Variants in GRID2 observed in about 807,000 individuals in gnomAD.
GRID2 encodes the protein glutamate ionotropic receptor delta type subunit 2, also known as glutamate receptor ionotropic, delta-2.
In GRID2, 33 loss-of-function variants were observed where a neutral mutation model predicts 114.8. The observed-to-expected ratio is 0.29, with a 90% confidence interval of 0.22 to 0.38. GRID2 has a LOEUF of 0.38. Among genes scored for constraint, GRID2 ranks in the 10% least tolerant of loss-of-function variants. The probability of loss-of-function intolerance (pLI) is 1.00; values close to 1 mark genes in which losing one functional copy is unlikely to be tolerated. For synonymous variants in GRID2, 505 were observed against 449.9 expected, an observed-to-expected ratio of 1.12 and a Z score of -1.55; for missense variants, 1,184 against 1,257.7, an observed-to-expected ratio of 0.94 and a Z score of 0.89.
At chr4:92,671,442 T>G (rs193007244) in intron 2 of GRID2, among the ~76,000 whole-genome samples, 1 of 152,244 alleles carries the variant, frequency 6.6e-6, no homozygotes, top group Admixed American at 6.5e-5. Flanking sequence ...GTATCAAACA[T>G]CATATTATAT....
At chr4:92,482,035 A>ATATAT (rs1560660653) in intron 1 of GRID2, among the ~76,000 whole-genome samples, 3 of 57,178 alleles carry the variant, frequency 5.2e-5, no homozygotes, top group African/African-American at 1.9e-4. Flanking sequence ...TATATATATA[A>ATATAT]AATAACAATA....
chr4:93,359,246 T>A (rs1453324709), intron 8 of GRID2, among the ~76,000 whole-genome samples: 1 of 152,062 alleles, frequency 6.6e-6, no homozygotes, highest in Non-Finnish European at 1.5e-5. Flanking sequence ...ATGTGTCTTT[T>A]GAAACTTGTT....
At chr4:92,456,517 A>G (rs1444529113) in intron 1 of GRID2, among the ~76,000 whole-genome samples, 1 of 152,190 alleles carries the variant, frequency 6.6e-6, no homozygotes, top group Non-Finnish European at 1.5e-5. Context: ...GTGTTCACTG[A>G]ATACACTAGG....
chr4:93,333,176 G>GT (rs34257494), intron 8 of GRID2, among the ~76,000 whole-genome samples: 30,397 of 151,712 alleles, frequency 0.2, 6,177 homozygotes, highest in African/African-American at 0.52. Context: ...CTTCTGATAT[G>GT]TTTTTTTAAC....
At chr4:93,051,415 A>T (rs1170308980) in intron 2 of GRID2, among the ~76,000 whole-genome samples, 2 of 152,036 alleles carry the variant, frequency 1.3e-5, no homozygotes, top group Non-Finnish European at 2.9e-5. Context: ...AGAGGCAAAG[A>T]TGGTAGCATT....
At chr4:93,509,091 G>A (rs1728923092) in intron 12 of GRID2, among the ~76,000 whole-genome samples, 1 of 152,204 alleles carries the variant, frequency 6.6e-6, no homozygotes, top group South Asian at 2.1e-4. Context: ...TCTAAGGGCA[G>A]TGAAGTACAT....
intron 1 of GRID2, among the ~76,000 whole-genome samples, chr4:92,355,582 G>A (rs191482104): frequency 4.0e-5 from 6 of 151,738 alleles, no homozygotes; most frequent in Admixed American, 1.3e-4. Flanking sequence ...TTAACTTTAC[G>A]TTATGACATA....
chr4:93,716,298 G>C (rs1252875784), intron 14 of GRID2, among the ~76,000 whole-genome samples: 1 of 152,118 alleles, frequency 6.6e-6, no homozygotes, highest in Admixed American at 6.6e-5. Flanking sequence ...AGCATTGCTA[G>C]ATATTTCCAA....
At chr4:93,616,524 C>T (rs568088871) in intron 13 of GRID2, among the ~76,000 whole-genome samples, 46 of 145,340 alleles carry the variant, frequency 3.2e-4, no homozygotes, top group Non-Finnish European at 5.4e-4. Context: ...ACAGCCTGGG[C>T]AACAGAATGA....
chr4:92,758,672 T>C (rs1283222244), intron 2 of GRID2, among the ~76,000 whole-genome samples: 1 of 152,132 alleles, frequency 6.6e-6, no homozygotes, highest in Non-Finnish European at 1.5e-5. Context: ...CTAACAATAA[T>C]AATGTTAGCA....
rs186161617 is a variant in GRID2 at position 92,810,005 on chromosome 4, A to C, written c.244+219719A>C. On this transcript the variant is annotated intron_variant, in intron 2 of 15. Transcript: ENST00000282020. ...ATAGTATTTCATCTGATAGATACTG[A>C]GGGTTCTATTGATAATTCTTCAACT... Among the ~76,000 whole-genome samples the C allele has an allele frequency of 2.7e-3, 418 of 152,168 alleles. 2 individuals carry two copies. The highest frequency in any genetic ancestry group is 4.5e-3 in the Non-Finnish European group (307 of 67,950).
At chr4:92,489,431 CT>C (rs1275649240) in intron 1 of GRID2, among the ~76,000 whole-genome samples, 2 of 152,096 alleles carry the variant, frequency 1.3e-5, no homozygotes, top group Non-Finnish European at 2.9e-5. Flanking sequence ...TTATTGAATG[CT>C]TTTGATTGGT....
intron 14 of GRID2, among the ~76,000 whole-genome samples, chr4:93,751,997 C>T (rs1242918293): frequency 6.7e-6 from 1 of 150,060 alleles, no homozygotes; most frequent in African/African-American, 2.5e-5. Context: ...GCTAGAGTAT[C>T]AGAATGGGCA....
chr4:93,424,184 T>C (rs1580043662), intron 10 of GRID2, among the ~76,000 whole-genome samples: 1 of 152,020 alleles, frequency 6.6e-6, no homozygotes, highest in Non-Finnish European at 1.5e-5. Context: ...TAGTTTTTTA[T>C]TTAAATATTT....
At chr4:93,181,589 G>T (rs572488476) in intron 4 of GRID2, among the ~76,000 whole-genome samples, 1 of 152,228 alleles carries the variant, frequency 6.6e-6, no homozygotes, top group African/African-American at 2.4e-5. Flanking sequence ...AGCCACCATC[G>T]TCAATGATCT....
chr4:93,188,816 A>G (rs1007480843), intron 4 of GRID2, among the ~76,000 whole-genome samples: 24 of 152,140 alleles, frequency 1.6e-4, no homozygotes, highest in Non-Finnish European at 8.8e-5. Context: ...CTTCCACGAA[A>G]CCCTGGGACA....
intron 4 of GRID2, among the ~76,000 whole-genome samples, chr4:93,122,534 G>A (rs942670189): frequency 2.6e-5 from 4 of 152,064 alleles, no homozygotes; most frequent in African/African-American, 9.7e-5. Flanking sequence ...GAATCTTCCT[G>A]TGATCCCAGG....
intron 12 of GRID2, among the ~76,000 whole-genome samples, chr4:93,506,442 A>G (rs1728636268): frequency 6.6e-6 from 1 of 152,120 alleles, no homozygotes; most frequent in Non-Finnish European, 1.5e-5. Context: ...TCTGGTGGCT[A>G]TTTAAACAGT....
intron 9 of GRID2, among the ~76,000 whole-genome samples, chr4:93,405,088 A>G (rs1194258207): frequency 6.6e-6 from 1 of 152,140 alleles, no homozygotes; most frequent in Non-Finnish European, 1.5e-5. Context: ...AGTTTAGGTA[A>G]AATAGTACTC....
Sources: allele counts gnomAD v4.1 joint callset (sites outside exome capture counted in the v4.1 genomes callset), GRCh38; gene constraint gnomAD v4.1.1; transcripts MANE v1.5; gene names NCBI Gene and HGNC (gene_info 2026-07-23, HGNC 2026-07-21).